Variants in ZNF726 observed in about 807,000 individuals in gnomAD.
ZNF726 encodes the protein zinc finger protein 92 pseudogene 3.
In ZNF726, 15 loss-of-function variants were observed where a neutral mutation model predicts 11.6. The observed-to-expected ratio is 1.29, with a 90% CI of 0.86 to 1.99. The LOEUF (loss-of-function observed/expected upper bound fraction) is 1.99, where lower values mean the gene tolerates loss of function less well. ZNF726 is among the 30% of genes most tolerant of loss of function. ZNF726 has a pLI of 0.00. For synonymous variants in ZNF726, 295 were observed against 243.6 expected, an observed-to-expected ratio of 1.21 and a Z score of -1.96; for missense variants, 890 against 725.6, an observed-to-expected ratio of 1.23 and a Z score of -2.60.
intron 3 of ZNF726, among the ~76,000 whole-genome samples, chr19:23,939,882 T>TTTTTTTTTTTTC (rs1968310143): frequency 6.7e-6 from 1 of 149,554 alleles, no homozygotes; most frequent in African/African-American, 2.5e-5. Flanking sequence ...TTTTTTTTTT[T>TTTTTTTTTTTTC]CTGACTGATT....
intron 1 of ZNF726, chr19:23,919,076 T>G (rs1967775885): frequency 8.5e-6 from 2 of 235,104 alleles, no homozygotes; most frequent in Non-Finnish European, 1.6e-5. Flanking sequence ...CACAACTCAT[T>G]CAGTATTATG....
rs1011272435 is a variant in ZNF726 at position 23,927,807 on chromosome 19, A to C, written c.227-4536A>C. 2.0e-5 allele frequency: 3 copies of C among 152,224 alleles called. No individual in the cohort carries two copies. In the East Asian group the frequency reaches 5.8e-4, roughly 29 times the overall value. 9.4% of individuals were successfully genotyped at this position (152,224 alleles called of 1,614,324 possible). ...GGCATTCTTAAATTTGATAAAACTTAGTATGTGTCCTAACAGAATACACCA... is the reference window on the plus strand; with the variant it reads ...GGCATTCTTAAATTTGATAAAACTTCGTATGTGTCCTAACAGAATACACCA... On this transcript the variant is annotated intron_variant, in intron 3 of 3. Coordinates refer to ENST00000594466, the MANE Select transcript of ZNF726 (RefSeq NM_001244038.2).
At position 23,932,590 on chromosome 19, in the gene ZNF726, A is replaced by G. The variant is rs747428308; in HGVS notation, c.474A>G (p.Ile158Met). 82 of 1,544,512 alleles carry G rather than the reference A, an allele frequency of 5.3e-5. No homozygotes were observed. The highest frequency in any genetic ancestry group is 6.9e-5 in the Non-Finnish European group (79 of 1,146,570). The change falls in exon 4 of 4, where the codon ATA (isoleucine) becomes ATG (methionine). Residue 158 changes from isoleucine (I) to methionine (M), a missense_variant. Ile to Met is a conservative substitution (Grantham distance 10, BLOSUM62 1). Transcript: ENST00000594466. ...GKYLKVFYKFINLNRYKIRHT... is the reference protein window; with the variant it reads ...GKYLKVFYKFMNLNRYKIRHT... ...ATTTGAAAGTCTTTTATAAATTTAT[A>G]AATTTAAACAGATATAAGATAAGAC...
At chr19:23,929,155 A>T (rs1238346169) in intron 3 of ZNF726, 1 of 151,944 alleles carries the variant, frequency 6.6e-6, no homozygotes, top group African/African-American at 2.4e-5. Context: ...TGATTGTTTT[A>T]TGTGTTCCTC....
chr19:23,920,051 G>A lies in ZNF726; in HGVS notation c.195G>A (p.Met65Ile), dbSNP rs759478389. 3 of 1,588,294 alleles carry A rather than the reference G, an allele frequency of 1.9e-6. No homozygotes were observed. In the South Asian group the frequency reaches 3.3e-5, roughly 17 times the overall value. ...AGAAAGAAAAAGAGCCCTGGAATAT[G>A]AAGCGAGATGAGATGGTGGATGAAC... ...CLEKEKEPWN[M>I]KRDEMVDEPP... The change falls in exon 3 of 4, where the codon ATG becomes ATA. Residue 65 changes from methionine to isoleucine, a missense_variant. By Grantham distance (10) the Met-to-Ile change is conservative. Coordinates refer to ENST00000594466, the MANE Select transcript of ZNF726 (RefSeq NM_001244038.2).
At position 23,932,619 on chromosome 19, in the gene ZNF726, C is replaced by A; in HGVS notation, c.503C>A (p.Thr168Asn). Residue 168 changes from threonine (T) to asparagine (N), a missense_variant, in exon 4 of 4, where the codon ACT (threonine) becomes AAT (asparagine). Coordinates refer to ENST00000594466, the MANE Select transcript of ZNF726 (RefSeq NM_001244038.2). ...TTAAACAGATATAAGATAAGACATA[C>A]TAGAAAGAAACCTTTCAAATGTAAA... ...INLNRYKIRH[T>N]RKKPFKCKNC... 1 of 1,543,862 alleles carries A rather than the reference C, an allele frequency of 6.5e-7. No individual in the cohort carries two copies. Among genetic ancestry groups the A allele is most frequent in the Non-Finnish European group, 8.7e-7 (1 of 1,147,020 alleles).
At chr19:23,920,799 T>TCAA (rs1027946439) in intron 3 of ZNF726, 1 of 152,084 alleles carries the variant, frequency 6.6e-6, no homozygotes, top group Non-Finnish European at 1.5e-5. Context: ...ATCCTGTTTT[T>TCAA]TTTCTTGCTT....
chr19:23,942,107 G>A (rs1166086421), intron 3 of ZNF726, among the ~76,000 whole-genome samples: 1 of 152,068 alleles, frequency 6.6e-6, no homozygotes, highest in Non-Finnish European at 1.5e-5. Context: ...TTAGGGATAT[G>A]AACTTTCCTC....
chr19:23,930,366 A>G (rs1968078353), intron 3 of ZNF726, among the ~76,000 whole-genome samples: 2 of 151,896 alleles, frequency 1.3e-5, no homozygotes, highest in Non-Finnish European at 2.9e-5. Context: ...TTTACATTCC[A>G]TGTTTTAATT....
rs535868181 is a variant in ZNF726 at position 23,914,897 on chromosome 19, C to A, written c.-98C>A. ...TTGGCGGGGCCTTTGTCTCTATCTGCGGCCGGAGCTCCAGGTCTCGTCCTC... is the reference window on the plus strand; with the variant it reads ...TTGGCGGGGCCTTTGTCTCTATCTGAGGCCGGAGCTCCAGGTCTCGTCCTC... On this transcript the variant is annotated 5_prime_UTR_variant, in exon 1 of 4. Coordinates refer to ENST00000594466, the MANE Select transcript of ZNF726 (RefSeq NM_001244038.2). 1.7e-5 allele frequency: 26 copies of A among 1,554,860 alleles called. No homozygotes were observed. The Admixed American group carries it at 4.7e-4, about 28-fold the overall frequency.
At chr19:23,938,317 G>A (rs1342645942), downstream of ZNF726, among the ~76,000 whole-genome samples, 2 of 152,096 alleles carry the variant, frequency 1.3e-5, no homozygotes, top group Non-Finnish European at 2.9e-5. Context: ...AAATTATGGA[G>A]TGTGTTTGTG....
intron 3 of ZNF726, among the ~76,000 whole-genome samples, chr19:23,931,820 C>A (rs190524214): frequency 1.3e-5 from 2 of 152,026 alleles, no homozygotes; most frequent in Non-Finnish European, 2.9e-5. Context: ...TGCAGTCTGG[C>A]GGCTGCTGGA....
chr19:23,937,217 C>T (rs867958596), downstream of ZNF726, among the ~76,000 whole-genome samples: 14 of 149,672 alleles, frequency 9.4e-5, no homozygotes, highest in Admixed American at 3.3e-4. Flanking sequence ...CCGGACGGGG[C>T]GGCTGGCCGG....
Position 23,919,241 on chromosome 19 carries a change from T to C in ZNF726, c.4-132T>C, listed in dbSNP as rs184202888. 69 of 1,403,586 alleles carry C rather than the reference T, an allele frequency of 4.9e-5. No individual in the cohort carries two copies. In the African/African-American group the frequency reaches 9.7e-4, roughly 20 times the overall value. 86.9% of individuals were successfully genotyped at this position (1,403,586 alleles called of 1,614,324 possible). A position where few individuals can be genotyped will look rare whatever the true frequency, so the allele number is the denominator to read the frequency against. Reference sequence around the variant, plus strand: ...AAAATGTTTGTGTTTTGACAATTATTTTATTGGATAATTTCAGTCCCTCTT... The same window carrying C: ...AAAATGTTTGTGTTTTGACAATTATCTTATTGGATAATTTCAGTCCCTCTT... On this transcript the variant is annotated intron_variant, in intron 1 of 3. Transcript: ENST00000594466.
At chr19:23,942,069 G>T (rs1968347172) in intron 3 of ZNF726, among the ~76,000 whole-genome samples, 1 of 151,846 alleles carries the variant, frequency 6.6e-6, no homozygotes. Context: ...GATTGTCTGT[G>T]CTCTTTCAGA....
At chr19:23,923,761 G>A (rs1967915192) in intron 3 of ZNF726, 1 of 154,502 alleles carries the variant, frequency 6.5e-6, no homozygotes, top group Non-Finnish European at 1.4e-5. Context: ...ATTTGTTAAT[G>A]TACATAAATG....
At chr19:23,939,828 G>T (rs1033931762) in intron 3 of ZNF726, among the ~76,000 whole-genome samples, 2 of 121,350 alleles carry the variant, frequency 1.6e-5, no homozygotes, top group African/African-American at 6.2e-5. Context: ...TTTGAGAATT[G>T]TCTATTCATG....
Position 23,932,387 on chromosome 19 carries a change from G to T in ZNF726, c.271G>T (p.Val91Leu), listed in dbSNP as rs780877643. Reference sequence around the variant, plus strand: ...TCAAGACATTTGGCCAGAGCAGGGCGTGGAAGATTCTTTTCAAAAAGTAAT... The same window carrying T: ...TCAAGACATTTGGCCAGAGCAGGGCTTGGAAGATTCTTTTCAAAAAGTAAT... Reference protein sequence around the residue: ...FAQDIWPEQGVEDSFQKVILR... With the variant: ...FAQDIWPEQGLEDSFQKVILR... The change falls in exon 4 of 4, where the codon GTG (valine) becomes TTG (leucine). Residue 91 changes from valine to leucine, a missense_variant. Physicochemically the swap from Val to Leu is conservative, Grantham distance 32 (BLOSUM62 1). Transcript: ENST00000594466. 2.0e-6 allele frequency: 3 copies of T among 1,509,252 alleles called. No individual in the cohort carries two copies. Among genetic ancestry groups the T allele is most frequent in the South Asian group, 2.9e-5 (2 of 68,464 alleles). 93.5% of individuals were successfully genotyped at this position (1,509,252 alleles called of 1,614,324 possible).
intron 3 of ZNF726, among the ~76,000 whole-genome samples, chr19:23,922,985 T>A (rs1967890179): frequency 6.6e-6 from 1 of 152,106 alleles, no homozygotes; most frequent in South Asian, 2.1e-4. Context: ...TATTTTCTAC[T>A]TCAAATTTGT....
Sources: gnomAD v4.1 joint callset for allele counts (sites outside exome capture counted in the v4.1 genomes callset) on GRCh38, gnomAD v4.1.1 for gene constraint, MANE v1.5 for transcripts, NCBI Gene and HGNC (gene_info 2026-07-23, HGNC 2026-07-21) for gene names.